USH1C: variants seen among roughly 807,000 people sequenced by gnomAD.
The protein encoded by USH1C is harmonin.
In USH1C, 90 loss-of-function variants were observed where a neutral mutation model predicts 119.3. The ratio of observed to expected loss-of-function variants is 0.75; its 90% confidence interval spans 0.64 to 0.90. USH1C has a LOEUF of 0.90. Ranked by LOEUF, USH1C falls within the 40% of genes least tolerant of loss-of-function variation. USH1C has a pLI of 0.00. For synonymous variants in USH1C, 465 were observed against 443.3 expected, an observed-to-expected ratio of 1.05 and a Z score of -0.62; for missense variants, 1,165 against 1,167.7, an observed-to-expected ratio of 1.00 and a Z score of 0.03.
At chr11:17,517,085 T>C (rs1850183613) in intron 14 of USH1C, among the ~76,000 whole-genome samples, 1 of 151,982 alleles carries the variant, frequency 6.6e-6, no homozygotes, top group South Asian at 2.1e-4. Flanking sequence ...AGTTGCTGGA[T>C]TTGAGAGTGG....
intron 15 of USH1C, among the ~76,000 whole-genome samples, chr11:17,514,800 T>C (rs7119294): frequency 1.0e-3 from 39 of 38,732 alleles, no homozygotes; most frequent in Non-Finnish European, 7.4e-4. Context: ...AGCAATTCTT[T>C]TTTTTTTTTT....
chr11:17,540,920 A>G (rs1851438993), intron 1 of USH1C, among the ~76,000 whole-genome samples: 1 of 152,104 alleles, frequency 6.6e-6, no homozygotes, highest in Non-Finnish European at 1.5e-5. Flanking sequence ...TGACCTGACC[A>G]TGGCCTACCA....
At chr11:17,536,158 G>T (rs1485967790) in intron 1 of USH1C, among the ~76,000 whole-genome samples, 2 of 152,158 alleles carry the variant, frequency 1.3e-5, no homozygotes, top group African/African-American at 4.8e-5. Context: ...TTTCTAAGGG[G>T]AGCATAAAAA....
intron 12 of USH1C, among the ~76,000 whole-genome samples, chr11:17,522,571 CA>C (rs1232167078): frequency 6.6e-6 from 1 of 152,188 alleles, no homozygotes; most frequent in African/African-American, 2.4e-5. Context: ...TGTTGGAAGA[CA>C]GGGGGCTCTG....
intron 17 of USH1C, 94 bp downstream of exon 17, chr11:17,510,311 C>T (rs547512487): frequency 1.1e-5 from 11 of 1,009,608 alleles, no homozygotes; most frequent in African/African-American, 9.5e-5. Context: ...AGGCTAGTGA[C>T]GTTTGCTAGT....
intron 15 of USH1C, chr11:17,514,623 G>A (rs546485155): frequency 3.3e-4 from 50 of 152,294 alleles, no homozygotes; most frequent in African/African-American, 9.9e-4. Flanking sequence ...AGTCTCTCAC[G>A]GCTCTAGAAA....
In USH1C at chr11:17,501,036, C is replaced by T. The variant is rs1849419355; in HGVS notation, c.2380+15G>A. ...GTATCATCCCCAAACCTGGGTGTGG[C>T]TAGTCTCCACTCACCATGCCGCTCA... On this transcript the variant is annotated intron_variant, in intron 23 of 26. Coordinates refer to ENST00000005226, the MANE Select transcript of USH1C (RefSeq NM_153676.4). 1.2e-6 allele frequency: 2 copies of T among 1,608,056 alleles called. No individual in the cohort carries two copies. Among genetic ancestry groups the T allele is most frequent in the Middle Eastern group, 1.7e-4 (1 of 6,038 alleles).
chr11:17,520,953 T>A lies in USH1C; in HGVS notation c.1127A>T (p.Glu376Val), dbSNP rs760259812. Residue 376 changes from glutamate (E) to valine (V), a missense_variant, in exon 14 of 27, where the codon GAA becomes GTA. Coordinates refer to ENST00000005226, the MANE Select transcript of USH1C (RefSeq NM_153676.4). ...EEEKFKKQWE[E>V]DWGSKEQLLL... ...TAGCTGTTCCTTTGAGCCCCAGTCT[T>A]CTTCCCATTGCTTCTTAAACTTCTC... The A allele has an allele frequency of 6.2e-7, 1 of 1,614,114 alleles. No individual in the cohort carries two copies. The highest frequency in any genetic ancestry group is 1.1e-5 in the South Asian group (1 of 91,072).
intron 14 of USH1C, among the ~76,000 whole-genome samples, chr11:17,517,833 G>C (rs1256057736): frequency 6.6e-6 from 1 of 152,206 alleles, no homozygotes; most frequent in Non-Finnish European, 1.5e-5. Flanking sequence ...TGAGGGCAAG[G>C]GGCTGCAATG....
rs1348460117 is a variant in USH1C, at chr11:17,509,405, T to C, written c.1964A>G (p.Lys655Arg). ...TTCAGGGACAGGGGAGTTAGTGGGC[T>C]TCCCACTGTGGTTCTTTGCCTCCCA... The part of the protein sequence containing the change: ...EDWEAKNHSG[K>R]PTNSPVPEQS... The change falls in exon 18 of 27, where the codon AAG (lysine) becomes AGG (arginine). Residue 655 changes from lysine (K) to arginine (R), a missense_variant. By Grantham distance (26) the Lys-to-Arg change is conservative. Coordinates refer to ENST00000005226, the MANE Select transcript of USH1C (RefSeq NM_153676.4). 1 of 1,601,510 alleles carries C rather than the reference T, an allele frequency of 6.2e-7. No individual in the cohort carries two copies. The highest frequency in any genetic ancestry group is 8.5e-7 in the Non-Finnish European group (1 of 1,171,684).
chr11:17,522,717 C>A, intron 12 of USH1C, 67 bp downstream of exon 12: 5 of 1,609,638 alleles, frequency 3.1e-6, no homozygotes, highest in Non-Finnish European at 4.2e-6. Flanking sequence ...GGGCAGGAAG[C>A]AAGCTAGGTG....
rs777396814 is a variant in USH1C at position 17,544,288 on chromosome 11, C to T, written c.20G>A (p.Arg7Gln). Residue 7 changes from arginine (R) to glutamine (Q), a missense_variant, in exon 1 of 27, where the codon CGA (arginine) becomes CAA (glutamine). Physicochemically the swap from Arg to Gln is conservative, Grantham distance 43. Transcript: ENST00000005226. MDRKVA[R>Q]EFRHKVDFLI... ...AGCTCTGACCTTATGCCGGAATTCTCGGGCCACTTTTCGGTCCATGGCTGG... is the reference window on the plus strand; with the variant it reads ...AGCTCTGACCTTATGCCGGAATTCTTGGGCCACTTTTCGGTCCATGGCTGG... 1.2e-6 allele frequency: 2 copies of T among 1,613,946 alleles called. No homozygotes were observed. Among genetic ancestry groups the T allele is most frequent in the Admixed American group, 1.7e-5 (1 of 60,010 alleles).
chr11:17,498,402 C>G, intron 23 of USH1C, 131 bp from the exon 24 acceptor site: 1 of 879,220 alleles, frequency 1.1e-6, no homozygotes, highest in Non-Finnish European at 1.9e-6. Context: ...CTCATGTGGA[C>G]TCAGAAAGCA....
chr11:17,498,649 C>T (rs1849328222), intron 23 of USH1C, among the ~76,000 whole-genome samples: 1 of 152,224 alleles, frequency 6.6e-6, no homozygotes, highest in Non-Finnish European at 1.5e-5. Context: ...AGCTGCCATG[C>T]TCTCTCCTGC....
rs766124113 is a variant in USH1C at position 17,509,705 on chromosome 11, G to C, written c.1664C>G (p.Pro555Arg). 3 of 1,600,342 alleles carry C rather than the reference G, an allele frequency of 1.9e-6. No individual in the cohort carries two copies. The highest frequency in any genetic ancestry group is 2.2e-5 in the East Asian group (1 of 44,790). Residue 555 changes from proline to arginine, a missense_variant, in exon 18 of 27, where the codon CCC (proline) becomes CGC (arginine). Coordinates refer to ENST00000005226, the MANE Select transcript of USH1C (RefSeq NM_153676.4). Reference protein sequence around the residue: ...DIPLDMFYYPPKTPSALPVMP... With the variant: ...DIPLDMFYYPRKTPSALPVMP... ...CACAGGCAAGGCAGAGGGAGTCTTG[G>C]GGGGATAGTAGAACATGTCCAAAGG...
At chr11:17,523,291 G>A (rs1375129953) in intron 10 of USH1C, 24 bp from the exon 11 acceptor site, 2 of 1,614,162 alleles carry the variant, frequency 1.2e-6, no homozygotes, top group East Asian at 2.2e-5. Context: ...AGGACAGTGG[G>A]CCGAGGCCTG....
At position 17,494,325 on chromosome 11, in the gene USH1C, C is replaced by CTGTTTCCTAACGGTGAATT. The variant is rs1849165627; in HGVS notation, c.2688_*6dup. On this transcript the variant is annotated 3_prime_UTR_variant, in exon 27 of 27. Transcript: ENST00000005226. Reference sequence around the variant, plus strand: ...GTTCACGAGGTGGGGCCGGAGCTCACTGTTTCCTAACGGTGAATTTGGTTT... The same window carrying CTGTTTCCTAACGGTGAATT: ...GTTCACGAGGTGGGGCCGGAGCTCACTGTTTCCTAACGGTGAATTTGTTTCCTAACGGTGAATTTGGTTT... 1 of 1,607,798 alleles carries CTGTTTCCTAACGGTGAATT rather than the reference C, an allele frequency of 6.2e-7. No homozygotes were observed. The highest frequency in any genetic ancestry group is 1.3e-5 in the African/African-American group (1 of 74,830).
chr11:17,496,695 A>C (rs1849259425), intron 25 of USH1C, 63 bp downstream of exon 25: 3 of 1,601,044 alleles, frequency 1.9e-6, no homozygotes, highest in Non-Finnish European at 2.6e-6. Flanking sequence ...GGGCTGGAGA[A>C]AGGTGGCTGA....
intron 24 of USH1C, chr11:17,497,017 G>T: frequency 1.8e-6 from 1 of 568,726 alleles, no homozygotes; most frequent in Non-Finnish European, 3.1e-6. Context: ...AGAGGACAGG[G>T]CTGCAAGGCC....
Sources: allele counts gnomAD v4.1 joint callset (sites outside exome capture counted in the v4.1 genomes callset), GRCh38; gene constraint gnomAD v4.1.1; transcripts MANE v1.5; gene names NCBI Gene and HGNC (gene_info 2026-07-23, HGNC 2026-07-21).